Variants in FRMD5 observed in about 807,000 individuals in gnomAD.
FRMD5 encodes the protein FERM domain-containing protein 5.
Under a neutral mutation model 69.0 loss-of-function variants are expected in FRMD5, and 20 were observed. The observed-to-expected ratio is 0.29, with a 90% confidence interval of 0.20 to 0.42. The LOEUF (loss-of-function observed/expected upper bound fraction) is 0.42, where lower values mean the gene tolerates loss of function less well. Among genes scored for constraint, FRMD5 ranks in the 10% least tolerant of loss-of-function variants. FRMD5 has a pLI of 1.00. For synonymous variants in FRMD5, 271 were observed against 260.1 expected, an observed-to-expected ratio of 1.04 and a Z score of -0.40; for missense variants, 595 against 708.6, an observed-to-expected ratio of 0.84 and a Z score of 1.82.
intron 1 of FRMD5, among the ~76,000 whole-genome samples, chr15:44,001,612 T>G (rs1191302566): frequency 5.3e-4 from 3 of 5,670 alleles, no homozygotes; most frequent in Non-Finnish European, 9.3e-4. Flanking sequence ...AATTTTATTG[T>G]TTTTTTTTTT....
At chr15:44,057,557 TTCTCA>T (rs1168042019) in intron 1 of FRMD5, among the ~76,000 whole-genome samples, 8 of 152,212 alleles carry the variant, frequency 5.3e-5, no homozygotes, top group South Asian at 2.1e-4. Flanking sequence ...AGCTTCTCAC[TTCTCA>T]TCTCTTTTCC....
intron 1 of FRMD5, among the ~76,000 whole-genome samples, chr15:44,157,239 T>C (rs1019301943): frequency 9.2e-5 from 14 of 152,240 alleles, no homozygotes; most frequent in Admixed American, 4.6e-4. Flanking sequence ...AAGTAAAGCA[T>C]ACTTTATGTC....
At chr15:43,904,062 T>C (rs1349728490) in intron 6 of FRMD5, among the ~76,000 whole-genome samples, 1 of 152,182 alleles carries the variant, frequency 6.6e-6, no homozygotes, top group Admixed American at 6.5e-5. Context: ...TAAGATTCCA[T>C]TTGTTCGGTG....
chr15:44,046,889 C>G (rs1184648606), intron 1 of FRMD5, among the ~76,000 whole-genome samples: 4 of 152,184 alleles, frequency 2.6e-5, no homozygotes, highest in African/African-American at 9.7e-5. Context: ...CTTTTCTACA[C>G]TGAATACCAA....
intron 1 of FRMD5, among the ~76,000 whole-genome samples, chr15:44,020,133 T>C (rs1441491123): frequency 2.0e-5 from 3 of 152,164 alleles, no homozygotes; most frequent in Non-Finnish European, 4.4e-5. Context: ...TATCATATCA[T>C]ATCTTTTTTT....
At chr15:44,160,013 G>C (rs1209799007) in intron 1 of FRMD5, among the ~76,000 whole-genome samples, 2 of 152,210 alleles carry the variant, frequency 1.3e-5, no homozygotes, top group Non-Finnish European at 1.5e-5. Flanking sequence ...AAGTAGCATG[G>C]CTGACCCTTC....
At chr15:43,925,246 C>T (rs559865577) in intron 1 of FRMD5, among the ~76,000 whole-genome samples, 4 of 152,256 alleles carry the variant, frequency 2.6e-5, no homozygotes, top group African/African-American at 9.6e-5. Context: ...CTTAGGTGAT[C>T]TGCCTGCCTC....
At chr15:43,989,843 C>T in intron 1 of FRMD5, 1 of 1,025,602 alleles carries the variant, frequency 9.8e-7, no homozygotes, top group South Asian at 1.3e-5. Flanking sequence ...TTGTGGTTGG[C>T]CTTGGGGCTC....
chr15:43,945,073 C>T (rs991654567), intron 1 of FRMD5, among the ~76,000 whole-genome samples: 7 of 152,020 alleles, frequency 4.6e-5, no homozygotes, highest in African/African-American at 1.5e-4. Flanking sequence ...AGGCATGTGC[C>T]ATAGCGCCCG....
chr15:43,874,573 A>T (rs558418327), intron 13 of FRMD5, 111 bp from the exon 14 acceptor site: 2 of 742,136 alleles, frequency 2.7e-6, no homozygotes, highest in East Asian at 5.3e-5. Context: ...CATGACCAGC[A>T]GCAGTAGCCA....
chr15:43,955,881 G>A lies in FRMD5; in HGVS notation c.103-31572C>T, dbSNP rs531029113. Among the ~76,000 whole-genome samples the A allele has an allele frequency of 3.9e-5, 6 of 152,026 alleles. No homozygotes were observed. The South Asian group carries it at 8.3e-4, about 21-fold the overall frequency. The stretch of plus-strand genomic sequence containing the variant: ...CCAAAATGTTTTCAGAGTTTCAGAT[G>A]ATAACTGAGGATCCATTTGGGGTTC... On this transcript the variant is annotated intron_variant, in intron 1 of 13. Coordinates refer to ENST00000417257, the MANE Select transcript of FRMD5 (RefSeq NM_032892.5).
rs186058482 is a variant in FRMD5 at position 43,872,889 on chromosome 15, T to C, written c.*996A>G. 1 of 360,400 alleles carries C rather than the reference T, an allele frequency of 2.8e-6. No individual in the cohort carries two copies. The highest frequency in any genetic ancestry group is 7.3e-4 in the Middle Eastern group (1 of 1,378). 22.3% of individuals were successfully genotyped at this position (360,400 alleles called of 1,614,324 possible). ...TAACATTTCGTTGTTAAAATATAAA[T>C]TGAAATAGTCTTTGGGTCAAGGGGG... On this transcript the variant is annotated 3_prime_UTR_variant, in exon 14 of 14. Transcript: ENST00000417257.
intron 1 of FRMD5, chr15:43,989,627 G>A (rs1305317293): frequency 1.0e-5 from 9 of 865,970 alleles, no homozygotes; most frequent in Admixed American, 1.7e-5. Context: ...GAGGTAGTCA[G>A]TCAGGTCCTG....
chr15:43,902,396 C>G (rs1004151260), intron 6 of FRMD5, 134 bp from the exon 7 acceptor site: 1 of 705,688 alleles, frequency 1.4e-6, no homozygotes, highest in African/African-American at 1.8e-5. Flanking sequence ...CTGCTTGGTT[C>G]TAGGACCAAC....
chr15:44,088,631 T>C (rs1894303459), intron 1 of FRMD5, among the ~76,000 whole-genome samples: 1 of 152,176 alleles, frequency 6.6e-6, no homozygotes, highest in Admixed American at 6.6e-5. Flanking sequence ...TACTCAGGAC[T>C]GAAGTTAAGA....
At chr15:44,161,898 T>C (rs2077621903) in intron 1 of FRMD5, among the ~76,000 whole-genome samples, 1 of 152,212 alleles carries the variant, frequency 6.6e-6, no homozygotes, top group South Asian at 2.1e-4. Flanking sequence ...GAGCCTTATG[T>C]TCTGTCATCC....
At chr15:43,948,624 C>A (rs1362246057) in intron 1 of FRMD5, among the ~76,000 whole-genome samples, 1 of 152,022 alleles carries the variant, frequency 6.6e-6, no homozygotes, top group African/African-American at 2.4e-5. Flanking sequence ...TATTTTTTTC[C>A]AAAGTATGTA....
At chr15:43,938,231 CAAAAAA>C (rs775430626) in intron 1 of FRMD5, among the ~76,000 whole-genome samples, 4 of 65,174 alleles carry the variant, frequency 6.1e-5, no homozygotes, top group East Asian at 4.0e-4. Flanking sequence ...GACTCCGTCT[CAAAAAA>C]AAAAAAAAAA....
chr15:44,141,790 C>T (rs1232660178), intron 1 of FRMD5, among the ~76,000 whole-genome samples: 1 of 152,178 alleles, frequency 6.6e-6, no homozygotes, highest in Non-Finnish European at 1.5e-5. Context: ...GGTGACACAA[C>T]CTACCTCAGA....
Sources: gnomAD v4.1 joint callset for allele counts (sites outside exome capture counted in the v4.1 genomes callset) on GRCh38, gnomAD v4.1.1 for gene constraint, MANE v1.5 for transcripts, NCBI Gene and HGNC (gene_info 2026-07-23, HGNC 2026-07-21) for gene names.